Variants in PROSER2 observed in about 807,000 individuals in gnomAD.
PROSER2 encodes proline and serine rich 2, also known as proline and serine-rich protein 2.
Under a neutral mutation model 14.6 loss-of-function variants are expected in PROSER2, and 18 were observed. The observed-to-expected ratio is 1.23, with a 90% confidence interval of 0.85 to 1.83. The LOEUF (loss-of-function observed/expected upper bound fraction) is 1.83. Ranked by LOEUF, PROSER2 falls within the 40% of genes most tolerant of loss-of-function variation. The pLI is 0.00. For synonymous variants in PROSER2, 367 were observed against 286.4 expected (o/e 1.28, Z -2.84); for missense variants, 823 against 629.8 (o/e 1.31, Z -3.28).
intron 1 of PROSER2, among the ~76,000 whole-genome samples, chr10:11,847,314 G>A (rs1164190758): frequency 2.6e-5 from 4 of 152,000 alleles, no homozygotes; most frequent in South Asian, 4.2e-4. Flanking sequence ...TGTTCCCAGC[G>A]CAGCCCGCTG....
At chr10:11,853,417 G>A (rs1446606071) in intron 2 of PROSER2, among the ~76,000 whole-genome samples, 3 of 152,068 alleles carry the variant, frequency 2.0e-5, no homozygotes, top group Non-Finnish European at 4.4e-5. Flanking sequence ...GTGAAACCCC[G>A]TCTCTACTAA....
intron 1 of PROSER2, chr10:11,851,163 T>C (rs1293144659): frequency 6.6e-6 from 1 of 152,190 alleles, no homozygotes; most frequent in African/African-American, 2.4e-5. Flanking sequence ...CTGCAGGGTA[T>C]TGTGATTTTG....
intron 1 of PROSER2, among the ~76,000 whole-genome samples, chr10:11,840,090 C>A (rs938129289): frequency 6.6e-6 from 1 of 151,350 alleles, no homozygotes; most frequent in Non-Finnish European, 1.5e-5. Flanking sequence ...GTAGCTGGGA[C>A]TACAGGTACA....
At chr10:11,842,079 G>A (rs927760892) in intron 1 of PROSER2, among the ~76,000 whole-genome samples, 8 of 151,984 alleles carry the variant, frequency 5.3e-5, no homozygotes, top group East Asian at 1.9e-4. Context: ...AAAATTTGCC[G>A]GGTATGGTGA....
chr10:11,859,662 C>T (rs1834196532), intron 2 of PROSER2, among the ~76,000 whole-genome samples: 1 of 152,208 alleles, frequency 6.6e-6, no homozygotes, highest in African/African-American at 2.4e-5. Flanking sequence ...CTGCGGGCTC[C>T]AGCTCTCTCC....
intron 1 of PROSER2, among the ~76,000 whole-genome samples, chr10:11,829,815 CT>C (rs1225294018): frequency 1.1e-5 from 1 of 89,236 alleles, no homozygotes. Flanking sequence ...TGTTAATTTT[CT>C]TTTTTTTCTT....
chr10:11,854,707 G>A (rs189637907), intron 2 of PROSER2, among the ~76,000 whole-genome samples: 5 of 151,582 alleles, frequency 3.3e-5, no homozygotes, highest in African/African-American at 1.2e-4. Flanking sequence ...ACAGGCATGT[G>A]TCACCATCCC....
rs1834502124 is a variant in PROSER2, at chr10:11,872,181, A to G, written c.*1775A>G. 1 of 152,264 alleles carries G rather than the reference A, an allele frequency of 6.6e-6. No homozygotes were observed. Among genetic ancestry groups the G allele is most frequent in the African/African-American group, 2.4e-5 (1 of 41,468 alleles). The allele number at this position is 152,264 out of a possible 1,614,324, so 9.4% of individuals were successfully genotyped here. ...GGACTGCATCTTTTTCACTGACCCT[A>G]TGATTTCACTGTGAGTAGGGTGAAC... On this transcript the variant is annotated 3_prime_UTR_variant, in exon 4 of 4. Transcript: ENST00000277570.
intron 1 of PROSER2, among the ~76,000 whole-genome samples, chr10:11,844,830 C>T (rs1354244463): frequency 6.6e-6 from 1 of 152,190 alleles, no homozygotes; most frequent in Non-Finnish European, 1.5e-5. Context: ...CCATGTTGGC[C>T]AGGCTGGTCT....
intron 2 of PROSER2, among the ~76,000 whole-genome samples, chr10:11,853,395 C>G (rs754869496): frequency 8.5e-5 from 13 of 152,200 alleles, no homozygotes; most frequent in Admixed American, 1.3e-4. Context: ...TGAGAACAGC[C>G]TGGCCAACAT....
chr10:11,848,316 C>A (rs1833956688), intron 1 of PROSER2, among the ~76,000 whole-genome samples: 1 of 152,156 alleles, frequency 6.6e-6, no homozygotes, highest in Non-Finnish European at 1.5e-5. Flanking sequence ...TTACAGGCAC[C>A]TGCCACCATG....
At chr10:11,826,737 C>G (rs1358686673) in intron 1 of PROSER2, among the ~76,000 whole-genome samples, 1 of 152,056 alleles carries the variant, frequency 6.6e-6, no homozygotes, top group Non-Finnish European at 1.5e-5. Context: ...CCCACCACCA[C>G]GCCGGGCTAA....
rs967756328 is a variant in PROSER2 at position 11,830,666 on chromosome 10, G to A, written c.-82+7196G>A. ...AGGTGTCCTGATTTCTCTGAGAGAGGTTGATAGCCATTCCTTGGACTTCTG... is the reference window on the plus strand; with the variant it reads ...AGGTGTCCTGATTTCTCTGAGAGAGATTGATAGCCATTCCTTGGACTTCTG... On this transcript the variant is annotated intron_variant, in intron 1 of 3. Coordinates refer to ENST00000277570, the MANE Select transcript of PROSER2 (RefSeq NM_153256.4). The surrounding 1 kb of genome is among the most constrained non-coding windows in gnomAD (Gnocchi z 4.5). Among the ~76,000 whole-genome samples, 1 of 152,202 alleles carries A rather than the reference G, an allele frequency of 6.6e-6. No homozygotes were observed. Among genetic ancestry groups the A allele is most frequent in the Non-Finnish European group, 1.5e-5 (1 of 68,040 alleles).
At chr10:11,841,254 G>A (rs947943507) in intron 1 of PROSER2, among the ~76,000 whole-genome samples, 1 of 151,710 alleles carries the variant, frequency 6.6e-6, no homozygotes, top group Non-Finnish European at 1.5e-5. Flanking sequence ...GCATAAAATT[G>A]TTCATAAAAA....
At chr10:11,846,284 G>C (rs1413467807) in intron 1 of PROSER2, among the ~76,000 whole-genome samples, 1 of 152,160 alleles carries the variant, frequency 6.6e-6, no homozygotes, top group South Asian at 2.1e-4. Context: ...ACCATGCCTG[G>C]CCTTGAACAT....
Position 11,862,261 on chromosome 10 carries a change from G to A in PROSER2, c.139-4270G>A, listed in dbSNP as rs562432469. 2.6e-5 allele frequency among the ~76,000 whole-genome samples: 4 copies of A among 152,316 alleles called. No homozygotes were observed. The South Asian group carries it at 6.2e-4, about 24-fold the overall frequency. On this transcript the variant is annotated intron_variant, in intron 2 of 3. Coordinates refer to ENST00000277570, the MANE Select transcript of PROSER2 (RefSeq NM_153256.4). This position sits in a 1 kb window ranked among gnomAD's most constrained non-coding sequence, Gnocchi z 4.2. ...GCTTAAAGTCACCACAGGGGCATGC[G>A]TGTGTTTATGTGAATATGCAAATTG...
At chr10:11,845,677 G>A (rs1833913584) in intron 1 of PROSER2, among the ~76,000 whole-genome samples, 1 of 152,124 alleles carries the variant, frequency 6.6e-6, no homozygotes, top group African/African-American at 2.4e-5. Flanking sequence ...TGGAACCCGG[G>A]GAGGGAGCTG....
intron 1 of PROSER2, chr10:11,849,811 C>A (rs1266637640): frequency 6.6e-6 from 1 of 152,330 alleles, no homozygotes; most frequent in Non-Finnish European, 1.5e-5. Flanking sequence ...ATGTGTTGGA[C>A]ACTTAATCCC....
intron 1 of PROSER2, among the ~76,000 whole-genome samples, chr10:11,842,101 G>T (rs1358816768): frequency 6.6e-6 from 1 of 151,892 alleles, no homozygotes; most frequent in Non-Finnish European, 1.5e-5. Context: ...GTGAGCCTGT[G>T]GTCCCAGCTA....
Sources: gnomAD v4.1 joint callset for allele counts (sites outside exome capture counted in the v4.1 genomes callset) on GRCh38, gnomAD v4.1.1 for gene constraint, Gnocchi (gnomAD v3.1) non-coding constraint, MANE v1.5 for transcripts, NCBI Gene and HGNC (gene_info 2026-07-23, HGNC 2026-07-21) for gene names.